Variants in CNTN5 observed in about 807,000 individuals in gnomAD.
CNTN5 encodes the protein contactin 5.
In CNTN5, 77 loss-of-function variants were observed where a neutral mutation model predicts 129.1. That is an observed-to-expected ratio of 0.60 (90% CI 0.50 to 0.72). The LOEUF (loss-of-function observed/expected upper bound fraction) is 0.72, where lower values mean the gene tolerates loss of function less well. CNTN5 is among the 30% of genes least tolerant of loss of function. The pLI is 0.00. For missense variants in CNTN5, 1,478 were observed against 1,328.8 expected, an observed-to-expected ratio of 1.11 and a Z score of -1.75; for synonymous variants, 509 against 465.6, an observed-to-expected ratio of 1.09 and a Z score of -1.20.
chr11:99,279,179 A>G (rs959907470), intron 1 of CNTN5, among the ~76,000 whole-genome samples: 12 of 151,766 alleles, frequency 7.9e-5, no homozygotes, highest in East Asian at 1.9e-4. Context: ...TGTCAAACCT[A>G]TTGGACTCAC....
chr11:99,640,438 T>C (rs1418539248), intron 3 of CNTN5, among the ~76,000 whole-genome samples: 1 of 152,182 alleles, frequency 6.6e-6, no homozygotes, highest in Non-Finnish European at 1.5e-5. Flanking sequence ...CCATCAGATC[T>C]CATGTGACTT....
chr11:99,989,781 G>A (rs1591532112), intron 8 of CNTN5, among the ~76,000 whole-genome samples: 1 of 151,976 alleles, frequency 6.6e-6, no homozygotes, highest in South Asian at 2.1e-4. Context: ...TTTTGTGTGT[G>A]AGAGAACTGA....
chr11:99,941,478 G>A (rs2136112087), intron 7 of CNTN5, among the ~76,000 whole-genome samples: 1 of 151,618 alleles, frequency 6.6e-6, no homozygotes, highest in East Asian at 1.9e-4. Context: ...TATGGTAATG[G>A]ACAAAGCAGA....
At chr11:99,676,003 C>CT (rs1392099244) in intron 3 of CNTN5, among the ~76,000 whole-genome samples, 2 of 152,270 alleles carry the variant, frequency 1.3e-5, no homozygotes, top group African/African-American at 4.8e-5. Flanking sequence ...TCTCAGAACT[C>CT]TGAGAGTGTT....
chr11:99,461,424 C>T (rs1944693310), intron 2 of CNTN5, among the ~76,000 whole-genome samples: 1 of 151,948 alleles, frequency 6.6e-6, no homozygotes, highest in African/African-American at 2.4e-5. Context: ...TTTTCAAATG[C>T]CCCAAGAGAT....
chr11:100,172,894 A>G (rs1344902330), intron 13 of CNTN5, among the ~76,000 whole-genome samples: 1 of 152,078 alleles, frequency 6.6e-6, no homozygotes, highest in African/African-American at 2.4e-5. Context: ...ACATCAACCT[A>G]TGTCACACTG....
At chr11:100,080,361 C>T (rs567638572) in intron 13 of CNTN5, among the ~76,000 whole-genome samples, 1 of 152,110 alleles carries the variant, frequency 6.6e-6, no homozygotes, top group South Asian at 2.1e-4. Context: ...ACATAATGGC[C>T]CCCTGCTCAC....
intron 3 of CNTN5, among the ~76,000 whole-genome samples, chr11:99,637,865 TG>T (rs1951623355): frequency 6.6e-6 from 1 of 152,102 alleles, no homozygotes; most frequent in Non-Finnish European, 1.5e-5. Context: ...AATCCTCCTG[TG>T]TCTCTGAGCC....
chr11:100,190,436 T>C (rs1444192872), intron 13 of CNTN5, among the ~76,000 whole-genome samples: 4 of 152,184 alleles, frequency 2.6e-5, no homozygotes, highest in Non-Finnish European at 4.4e-5. Flanking sequence ...TAATTCCAAA[T>C]GTCAGCCTCA....
intron 1 of CNTN5, among the ~76,000 whole-genome samples, chr11:99,220,956 GC>G (rs75556195): frequency 0.2 from 30,585 of 151,772 alleles, 3,139 homozygotes; most frequent in South Asian, 0.24. Flanking sequence ...TTCTGGAATT[GC>G]CCCACTTGTC....
chr11:100,355,197 T>C (rs969775528), intron 24 of CNTN5, among the ~76,000 whole-genome samples: 6 of 151,800 alleles, frequency 4.0e-5, no homozygotes, highest in African/African-American at 1.4e-4. Context: ...TAATATTTTT[T>C]ATTTTATTTT....
intron 3 of CNTN5, among the ~76,000 whole-genome samples, chr11:99,714,709 G>A (rs562410184): frequency 6.6e-6 from 1 of 152,014 alleles, no homozygotes; most frequent in African/African-American, 2.4e-5. Context: ...CAAGCCAAAA[G>A]CCAAGTACCT....
At chr11:99,034,651 C>A (rs892716461) in intron 1 of CNTN5, among the ~76,000 whole-genome samples, 1 of 150,212 alleles carries the variant, frequency 6.7e-6, no homozygotes, top group Admixed American at 7.0e-5. Flanking sequence ...CTATTTGATT[C>A]TTCTCTCTTT....
chr11:99,661,957 T>C (rs866971641), intron 3 of CNTN5, among the ~76,000 whole-genome samples: 1 of 152,100 alleles, frequency 6.6e-6, no homozygotes, highest in Non-Finnish European at 1.5e-5. Flanking sequence ...AGACAGACTA[T>C]CATGAGAGCA....
intron 3 of CNTN5, among the ~76,000 whole-genome samples, chr11:99,670,278 G>T (rs1952979081): frequency 6.6e-6 from 1 of 152,142 alleles, no homozygotes; most frequent in South Asian, 2.1e-4. Context: ...ACTGAGTGAT[G>T]ACTGCAGGTT....
chr11:99,092,779 G>T (rs937247864), intron 1 of CNTN5, among the ~76,000 whole-genome samples: 2 of 151,942 alleles, frequency 1.3e-5, no homozygotes, highest in African/African-American at 4.8e-5. Flanking sequence ...ATGTGTGTTT[G>T]TATTCAGGTG....
intron 3 of CNTN5, among the ~76,000 whole-genome samples, chr11:99,814,245 C>T (rs1216952018): frequency 1.3e-5 from 2 of 152,030 alleles, no homozygotes; most frequent in Non-Finnish European, 2.9e-5. Context: ...TGAAACAAGG[C>T]TGAGTGTATG....
chr11:99,615,997 A>T (rs756754679), intron 3 of CNTN5, among the ~76,000 whole-genome samples: 1 of 152,036 alleles, frequency 6.6e-6, no homozygotes, highest in African/African-American at 2.4e-5. Flanking sequence ...CGGCCTCTCA[A>T]TGTGTTGGGA....
At chr11:99,801,867 A>G (rs957433394) in intron 3 of CNTN5, among the ~76,000 whole-genome samples, 4 of 151,730 alleles carry the variant, frequency 2.6e-5, no homozygotes, top group Non-Finnish European at 5.9e-5. Context: ...TTCTCTTTGG[A>G]TATCTTTGGA....
Sources: allele counts gnomAD v4.1 joint callset (sites outside exome capture counted in the v4.1 genomes callset), GRCh38; gene constraint gnomAD v4.1.1; transcripts MANE v1.5; gene names NCBI Gene and HGNC (gene_info 2026-07-23, HGNC 2026-07-21).